The following RASSF6 variants were observed in gnomAD, a reference collection of about 807,000 sequenced individuals.
RASSF6 encodes the protein Ras association domain family member 6, also known as ras association domain-containing protein 6.
In RASSF6, 52 loss-of-function variants were observed where a neutral mutation model predicts 44.0. The observed-to-expected ratio is 1.18, with a 90% CI of 0.95 to 1.49. RASSF6 has a LOEUF of 1.49. RASSF6 is among the 40% of genes most tolerant of loss of function. The pLI, the probability that RASSF6 is intolerant of heterozygous loss-of-function variation, is 0.00. For synonymous variants in RASSF6, 162 were observed against 124.6 expected (o/e 1.30, Z -2.00); for missense variants, 464 against 393.3 (o/e 1.18, Z -1.52).
intron 6 of RASSF6, among the ~76,000 whole-genome samples, chr4:73,582,752 C>G (rs1002381810): frequency 1.3e-5 from 2 of 151,868 alleles, no homozygotes; most frequent in African/African-American, 4.8e-5. Flanking sequence ...GCTCATTGGA[C>G]TGTTAAAAAG....
chr4:73,606,342 C>T (rs953097874), intron 2 of RASSF6, among the ~76,000 whole-genome samples: 1 of 152,196 alleles, frequency 6.6e-6, no homozygotes, highest in African/African-American at 2.4e-5. Context: ...TATATTCTCA[C>T]TTATAAGTGA....
intron 6 of RASSF6, among the ~76,000 whole-genome samples, chr4:73,583,338 T>C (rs949565508): frequency 6.6e-6 from 1 of 152,184 alleles, no homozygotes; most frequent in Non-Finnish European, 1.5e-5. Context: ...TATTTAAATC[T>C]ATAGTCTTTA....
chr4:73,583,621 T>C (rs1239265853), intron 6 of RASSF6, among the ~76,000 whole-genome samples: 2 of 152,184 alleles, frequency 1.3e-5, no homozygotes, highest in Admixed American at 6.6e-5. Context: ...GTTGATAGAA[T>C]GCTTTGTTTT....
At chr4:73,607,012 T>C (rs2149393108) in intron 2 of RASSF6, among the ~76,000 whole-genome samples, 1 of 152,222 alleles carries the variant, frequency 6.6e-6, no homozygotes, top group African/African-American at 2.4e-5. Flanking sequence ...GCTCTTACAC[T>C]CACTGGCTCT....
upstream of RASSF6, chr4:73,620,609 T>C: frequency 1.3e-6 from 1 of 760,318 alleles, no homozygotes; most frequent in Admixed American, 3.2e-5. Context: ...TCAAGAAACC[T>C]GAGCCACTCC....
At chr4:73,606,342 CT>C (rs2149392388) in intron 2 of RASSF6, among the ~76,000 whole-genome samples, 1 of 152,314 alleles carries the variant, frequency 6.6e-6, no homozygotes, top group South Asian at 2.1e-4. Context: ...TATATTCTCA[CT>C]TATAAGTGAG....
rs772907435 is a variant in RASSF6 at position 73,576,415 on chromosome 4, T to C, written c.933A>G (p.Val311=). The change falls in exon 10 of 11, where the codon GTA becomes GTG. Residue 311 remains valine, a synonymous_variant. Transcript: ENST00000307439. The part of the protein sequence containing the change: ...EEEKREIQRI[V]TKFNKEKAII... ...TGTGCATGCTCTTGACTTACTTTGT[T>C]ACTATTCTTTGAATCTCTCTTTTCT... is the stretch of plus-strand genomic sequence containing the variant. 1.5e-5 allele frequency: 24 copies of C among 1,556,186 alleles called. No homozygotes were observed. In the East Asian group the frequency reaches 5.2e-4, roughly 34 times the overall value.
intron 1 of RASSF6, among the ~76,000 whole-genome samples, chr4:73,612,385 C>T (rs767569090): frequency 2.6e-5 from 4 of 151,324 alleles, no homozygotes; most frequent in Non-Finnish European, 5.9e-5. Flanking sequence ...TTCCATTTTG[C>T]AAAAATTGAA....
chr4:73,620,244 A>G (rs1660720473), intron 1 of RASSF6, 44 bp downstream of exon 1: 2 of 1,284,270 alleles, frequency 1.6e-6, no homozygotes, highest in Non-Finnish European at 1.0e-6. Context: ...ACATGACCCC[A>G]GGGAGTGGAT....
chr4:73,614,586 T>G (rs1726225580), intron 1 of RASSF6, among the ~76,000 whole-genome samples: 1 of 152,204 alleles, frequency 6.6e-6, no homozygotes, highest in African/African-American at 2.4e-5. Context: ...AAATTGGCAG[T>G]GATGGACTGA....
chr4:73,609,150 A>G (rs1336950845), intron 2 of RASSF6, among the ~76,000 whole-genome samples: 3 of 152,208 alleles, frequency 2.0e-5, no homozygotes, highest in African/African-American at 7.2e-5. Flanking sequence ...ATAGGTTCTG[A>G]GAGTGAAATC....
chr4:73,574,804 T>C lies in RASSF6; in HGVS notation c.*1431A>G, dbSNP rs1257358274. 1.3e-5 allele frequency: 2 copies of C among 152,166 alleles called. No individual in the cohort carries two copies. The highest frequency in any genetic ancestry group is 3.2e-3 in the Middle Eastern group (1 of 316). 9.4% of individuals were successfully genotyped at this position (152,166 alleles called of 1,614,324 possible). On this transcript the variant is annotated 3_prime_UTR_variant, in exon 11 of 11. Transcript: ENST00000307439. ...TATGTAAGACTTGGTTCTTCTCTTATACATTTCAGTCTATTGAAGACTAAC... is the reference window on the plus strand; with the variant it reads ...TATGTAAGACTTGGTTCTTCTCTTACACATTTCAGTCTATTGAAGACTAAC...
chr4:73,611,869 G>T, intron 1 of RASSF6, 40 bp from the exon 2 acceptor site: 1 of 1,315,292 alleles, frequency 7.6e-7, no homozygotes, highest in Non-Finnish European at 1.1e-6. Context: ...TTCCTATAAT[G>T]CATTAAAAAA....
intron 8 of RASSF6, among the ~76,000 whole-genome samples, chr4:73,578,015 C>T (rs1257346829): frequency 1.9e-3 from 2 of 1,080 alleles, no homozygotes; most frequent in African/African-American, 5.3e-3. Context: ...AAACAGGAGC[C>T]ATATGCTCTC....
intron 6 of RASSF6, among the ~76,000 whole-genome samples, chr4:73,583,384 T>C (rs1723819184): frequency 6.6e-6 from 1 of 152,122 alleles, no homozygotes; most frequent in Non-Finnish European, 1.5e-5. Flanking sequence ...TAATGAAACC[T>C]GCTATCATTT....
chr4:73,598,772 G>A lies in RASSF6; in HGVS notation c.66-54C>T. The A allele has an allele frequency of 4.1e-6, 3 of 725,726 alleles. No individual in the cohort carries two copies. In the South Asian group the frequency reaches 5.6e-5, roughly 14 times the overall value. The allele number at this position is 725,726 out of a possible 1,614,324, so 45.0% of individuals were successfully genotyped here. A position where few individuals can be genotyped will look rare whatever the true frequency, so the allele number is the denominator to read the frequency against. ...CAGTCTTAGAGTTTTTAACGTAAAA[G>A]GTGATAATGGTACTTTCATAAAGGT... On this transcript the variant is annotated intron_variant, in intron 2 of 10. Coordinates refer to ENST00000307439, the MANE Select transcript of RASSF6 (RefSeq NM_177532.5).
intron 6 of RASSF6, among the ~76,000 whole-genome samples, chr4:73,583,488 A>C (rs548482904): frequency 6.6e-6 from 1 of 152,154 alleles, no homozygotes; most frequent in Non-Finnish European, 1.5e-5. Flanking sequence ...TATGTGTGTT[A>C]TTCATAGCCT....
intron 2 of RASSF6, among the ~76,000 whole-genome samples, chr4:73,599,184 C>T (rs978542816): frequency 1.3e-5 from 2 of 152,192 alleles, no homozygotes; most frequent in African/African-American, 4.8e-5. Context: ...CTTAGTATCC[C>T]TGAATTTCCA....
intron 4 of RASSF6, among the ~76,000 whole-genome samples, chr4:73,588,995 C>T (rs1446703454): frequency 1.3e-5 from 2 of 151,936 alleles, no homozygotes; most frequent in Non-Finnish European, 2.9e-5. Flanking sequence ...TGACTCTGCC[C>T]GAATTTCATT....
Sources: allele counts gnomAD v4.1 joint callset (sites outside exome capture counted in the v4.1 genomes callset), GRCh38; gene constraint gnomAD v4.1.1; transcripts MANE v1.5; gene names NCBI Gene and HGNC (gene_info 2026-07-23, HGNC 2026-07-21).